The following UBTD2 variants were observed in gnomAD, a reference collection of about 807,000 sequenced individuals.
The protein encoded by UBTD2 is ubiquitin domain containing 2.
UBTD2 carries 9 observed loss-of-function variants against 19.8 expected under a neutral mutation model. The observed-to-expected ratio is 0.46, with a 90% CI of 0.27 to 0.79. The LOEUF (loss-of-function observed/expected upper bound fraction) is 0.79, where lower values mean the gene tolerates loss of function less well. Ranked by LOEUF, UBTD2 falls within the 30% of genes least tolerant of loss-of-function variation. The pLI, the probability that UBTD2 is intolerant of heterozygous loss-of-function variation, is 0.14. For synonymous variants in UBTD2, 98 were observed against 103.9 expected (o/e 0.94, Z 0.35); for missense variants, 250 against 300.4 (o/e 0.83, Z 1.24).
intron 1 of UBTD2, among the ~76,000 whole-genome samples, chr5:172,240,174 T>C (rs186153239): frequency 1.3e-5 from 2 of 152,330 alleles, no homozygotes; most frequent in East Asian, 3.9e-4. Context: ...ATCTACCACT[T>C]AATCTATGTT....
intron 1 of UBTD2, among the ~76,000 whole-genome samples, chr5:172,282,282 A>G (rs553219658): frequency 6.6e-6 from 1 of 152,318 alleles, no homozygotes; most frequent in African/African-American, 2.4e-5. Context: ...GGATCTCAAT[A>G]TGCCAGTAAT....
In UBTD2 at chr5:172,210,629, T is replaced by C. The variant is rs191706824; in HGVS notation, c.*1201A>G. On this transcript the variant is annotated 3_prime_UTR_variant, in exon 3 of 3. Transcript: ENST00000393792. ...AAAAGATGAGGGAGGAAAATTGTCA[T>C]CTACCATGACTAGAGGTAACAGTGA... 1.8e-4 allele frequency: 28 copies of C among 152,322 alleles called. No individual in the cohort carries two copies. In the East Asian group the frequency reaches 4.8e-3, roughly 26 times the overall value. 9.4% of individuals were successfully genotyped at this position (152,322 alleles called of 1,614,324 possible).
chr5:172,251,764 A>C (rs765236575), intron 1 of UBTD2, among the ~76,000 whole-genome samples: 1 of 152,240 alleles, frequency 6.6e-6, no homozygotes, highest in Non-Finnish European at 1.5e-5. Flanking sequence ...AGAAATGCTA[A>C]AGGTAATTCT....
At chr5:172,223,442 T>C (rs1375491371) in intron 2 of UBTD2, among the ~76,000 whole-genome samples, 1 of 151,340 alleles carries the variant, frequency 6.6e-6, no homozygotes, top group Non-Finnish European at 1.5e-5. Context: ...CTACTAAAAA[T>C]ACAAAAATTA....
chr5:172,281,298 T>C (rs184008486), intron 1 of UBTD2, among the ~76,000 whole-genome samples: 2 of 152,294 alleles, frequency 1.3e-5, no homozygotes, highest in Admixed American at 1.3e-4. Flanking sequence ...ACCCAACACA[T>C]TCAGATTAAA....
At chr5:172,267,890 G>C (rs1755407491) in intron 1 of UBTD2, among the ~76,000 whole-genome samples, 2 of 152,206 alleles carry the variant, frequency 1.3e-5, no homozygotes, top group Admixed American at 1.3e-4. Context: ...AGGTCATAAA[G>C]AAACGGAAGA....
At position 172,283,601 on chromosome 5, in the gene UBTD2, G is replaced by A. The variant is rs1193119138; in HGVS notation, c.65C>T (p.Thr22Ile). The A allele has an allele frequency of 2.6e-5, 34 of 1,309,260 alleles. No individual in the cohort carries two copies. The highest frequency in any genetic ancestry group is 7.3e-5 in the South Asian group (3 of 40,836). 81.1% of individuals were successfully genotyped at this position (1,309,260 alleles called of 1,614,324 possible). A position where few individuals can be genotyped will look rare whatever the true frequency, so the allele number is the denominator to read the frequency against. The change falls in exon 1 of 3, where the codon ACC (threonine) becomes ATC (isoleucine). Residue 22 changes from threonine (T) to isoleucine (I), a missense_variant. Physicochemically the swap from Thr to Ile is moderately conservative, Grantham distance 89. Coordinates refer to ENST00000393792, the MANE Select transcript of UBTD2 (RefSeq NM_152277.3). This position sits in a 1 kb window ranked among gnomAD's most constrained non-coding sequence, Gnocchi z 4.3. ...GCCCCCTGGCGCTCACCTACCTCCGGTGCCCTCCGAGTTCTCGTTGAGGCT... is the reference window on the plus strand; with the variant it reads ...GCCCCCTGGCGCTCACCTACCTCCGATGCCCTCCGAGTTCTCGTTGAGGCT... ...SGSLNENSEG[T>I]GVALGRNQPL...
chr5:172,262,989 G>A (rs187565583), intron 1 of UBTD2, among the ~76,000 whole-genome samples: 2 of 152,200 alleles, frequency 1.3e-5, no homozygotes, highest in East Asian at 1.9e-4. Flanking sequence ...CTAGAGTGGA[G>A]TGCAGTGGTA....
intron 1 of UBTD2, among the ~76,000 whole-genome samples, chr5:172,250,799 G>C (rs914593355): frequency 1.3e-5 from 2 of 151,868 alleles, no homozygotes; most frequent in Admixed American, 6.6e-5. Flanking sequence ...CAGGCATGGT[G>C]GCATGCACCT....
At chr5:172,229,500 CAAAAAAAAAAAA>C (rs5873303) in intron 2 of UBTD2, among the ~76,000 whole-genome samples, 10 of 57,226 alleles carry the variant, frequency 1.7e-4, no homozygotes, top group African/African-American at 3.6e-4. Flanking sequence ...GACTCCGTCT[CAAAAAAAAAAAA>C]AAAAAAAAAA....
chr5:172,263,596 C>T (rs1261496594), intron 1 of UBTD2, among the ~76,000 whole-genome samples: 4 of 152,052 alleles, frequency 2.6e-5, no homozygotes. Flanking sequence ...AGATCGAGAC[C>T]ATCCCAGTTA....
chr5:172,270,546 C>T (rs952419687), intron 1 of UBTD2, among the ~76,000 whole-genome samples: 29 of 151,760 alleles, frequency 1.9e-4, no homozygotes, highest in African/African-American at 7.0e-4. Context: ...TAGTAAAAGA[C>T]GGGGTTTCAA....
At chr5:172,240,680 A>C (rs1383508001) in intron 1 of UBTD2, among the ~76,000 whole-genome samples, 1 of 152,110 alleles carries the variant, frequency 6.6e-6, no homozygotes, top group Non-Finnish European at 1.5e-5. Flanking sequence ...ACTTTTCTTA[A>C]TGGGTCAGTC....
chr5:172,256,984 T>G (rs546117932), intron 1 of UBTD2, among the ~76,000 whole-genome samples: 1 of 149,688 alleles, frequency 6.7e-6, no homozygotes, highest in Non-Finnish European at 1.5e-5. Flanking sequence ...AATTCTTTTT[T>G]TTCTTCTTCT....
At position 172,283,673 on chromosome 5, in the gene UBTD2, C is replaced by G. The variant is rs1755772544; in HGVS notation, c.-8G>C. On this transcript the variant is annotated 5_prime_UTR_variant, in exon 1 of 3. Coordinates refer to ENST00000393792, the MANE Select transcript of UBTD2 (RefSeq NM_152277.3). This position sits in a 1 kb window ranked among gnomAD's most constrained non-coding sequence, Gnocchi z 4.3. ...GCCCACACACCCGCCCATGGGGGCC[C>G]CCGGCGCCTCGTCCGCCACCTCCGG... The G allele has an allele frequency of 8.1e-7, 1 of 1,235,540 alleles. No individual in the cohort carries two copies. The highest frequency in any genetic ancestry group is 1.6e-5 in the African/African-American group (1 of 64,008). 76.5% of individuals were successfully genotyped at this position (1,235,540 alleles called of 1,614,324 possible).
At chr5:172,275,904 T>A (rs1755596997) in intron 1 of UBTD2, among the ~76,000 whole-genome samples, 2 of 152,224 alleles carry the variant, frequency 1.3e-5, no homozygotes, top group South Asian at 4.1e-4. Context: ...AAACATGGTA[T>A]TATTTTACTT....
At chr5:172,253,888 T>C (rs1363568242) in intron 1 of UBTD2, among the ~76,000 whole-genome samples, 3 of 152,214 alleles carry the variant, frequency 2.0e-5, no homozygotes, top group Non-Finnish European at 4.4e-5. Context: ...AAATGTTATC[T>C]ATAAGAATGG....
chr5:172,221,554 C>T (rs946611082), intron 2 of UBTD2, among the ~76,000 whole-genome samples: 22 of 151,670 alleles, frequency 1.5e-4, no homozygotes, highest in Admixed American at 8.6e-4. Flanking sequence ...AAACACATGG[C>T]GAAAACTTAA....
intron 1 of UBTD2, among the ~76,000 whole-genome samples, chr5:172,279,245 T>C (rs979270675): frequency 5.3e-5 from 8 of 152,216 alleles, no homozygotes; most frequent in Non-Finnish European, 1.0e-4. Flanking sequence ...TTAAAAGTAA[T>C]GGCAAAGAAC....
Sources: allele counts gnomAD v4.1 joint callset (sites outside exome capture counted in the v4.1 genomes callset), GRCh38; gene constraint gnomAD v4.1.1; non-coding constraint Gnocchi (gnomAD v3.1); transcripts MANE v1.5; gene names NCBI Gene and HGNC (gene_info 2026-07-23, HGNC 2026-07-21).